Variants in ADRA1B observed in about 807,000 individuals in gnomAD.
ADRA1B encodes the protein alpha-1B adrenergic receptor.
ADRA1B carries 17 observed loss-of-function variants against 17.9 expected under a neutral mutation model. That is an observed-to-expected ratio of 0.95 (90% CI 0.65 to 1.42). The LOEUF (loss-of-function observed/expected upper bound fraction) is 1.42. Among genes scored for constraint, ADRA1B ranks in the 40% most tolerant of loss-of-function variants. ADRA1B has a pLI of 0.00. For missense variants in ADRA1B, 681 were observed against 722.1 expected (o/e 0.94, Z 0.65); for synonymous variants, 366 against 327.6 (o/e 1.12, Z -1.27).
chr5:159,900,786 T>C (rs1028153789), intron 1 of ADRA1B, among the ~76,000 whole-genome samples: 21 of 152,186 alleles, frequency 1.4e-4, no homozygotes, highest in Non-Finnish European at 4.4e-5. Flanking sequence ...AGACAGGCCA[T>C]GGAATGGACT....
intron 1 of ADRA1B, among the ~76,000 whole-genome samples, chr5:159,872,959 T>C (rs1753764702): frequency 7.2e-6 from 1 of 139,666 alleles, no homozygotes; most frequent in Non-Finnish European, 1.5e-5. Flanking sequence ...CAGTGTGTGA[T>C]GTTCCCCTCC....
At chr5:159,926,215 A>ACC (rs2113183301) in intron 1 of ADRA1B, among the ~76,000 whole-genome samples, 1 of 152,070 alleles carries the variant, frequency 6.6e-6, no homozygotes, top group South Asian at 2.1e-4. Context: ...TGTTTCTCAT[A>ACC]CCCTCTGAAT....
At chr5:159,881,296 A>G in intron 1 of ADRA1B, among the ~76,000 whole-genome samples, 2 of 85,258 alleles carry the variant, frequency 2.3e-5, no homozygotes, top group African/African-American at 8.8e-5. Context: ...CAATATCAGA[A>G]AGTTCTCTCT....
chr5:159,968,036 T>C (rs1755806336), intron 1 of ADRA1B, among the ~76,000 whole-genome samples: 1 of 152,242 alleles, frequency 6.6e-6, no homozygotes, highest in East Asian at 1.9e-4. Context: ...TTAGCTGCCA[T>C]GGTGCAACAC....
chr5:159,891,279 G>C (rs1753980812), intron 1 of ADRA1B, among the ~76,000 whole-genome samples: 1 of 152,168 alleles, frequency 6.6e-6, no homozygotes, highest in South Asian at 2.1e-4. Context: ...TAAACTCCAA[G>C]ATGACTTTTC....
Position 159,972,092 on chromosome 5 carries a change from A to G in ADRA1B, c.1163A>G (p.Tyr388Cys). Residue 388 changes from tyrosine (Y) to cysteine (C), a missense_variant, in exon 2 of 2, where the codon TAC (tyrosine) becomes TGC (cysteine). By Grantham distance (194) the Tyr-to-Cys change is radical. Transcript: ENST00000306675. Reference protein sequence around the residue: ...RRRLGGCAYTYRPWTRGGSLE... With the variant: ...RRRLGGCAYTCRPWTRGGSLE... ...CGCCTGGGCGGCTGCGCCTACACCT[A>G]CCGGCCGTGGACGCGCGGCGGCTCG... 3 of 1,290,886 alleles carry G rather than the reference A, an allele frequency of 2.3e-6. No individual in the cohort carries two copies. The highest frequency in any genetic ancestry group is 3.0e-6 in the Non-Finnish European group (3 of 1,015,140). 80.0% of individuals were successfully genotyped at this position (1,290,886 alleles called of 1,614,324 possible). A position where few individuals can be genotyped will look rare whatever the true frequency, so the allele number is the denominator to read the frequency against.
At chr5:159,954,480 G>A in intron 1 of ADRA1B, among the ~76,000 whole-genome samples, 1 of 152,168 alleles carries the variant, frequency 6.6e-6, no homozygotes, top group Non-Finnish European at 1.5e-5. Flanking sequence ...TCACCTGGCA[G>A]GATAGGACTT....
chr5:159,924,445 G>A (rs936358234), intron 1 of ADRA1B, among the ~76,000 whole-genome samples: 3 of 152,146 alleles, frequency 2.0e-5, no homozygotes, highest in Non-Finnish European at 4.4e-5. Flanking sequence ...AAATATTTGT[G>A]AGGAAAACGG....
intron 1 of ADRA1B, among the ~76,000 whole-genome samples, chr5:159,957,978 A>G (rs1755594449): frequency 6.6e-6 from 1 of 150,928 alleles, no homozygotes; most frequent in African/African-American, 2.4e-5. Context: ...AAGAAAAGAA[A>G]TATCATTCTT....
At chr5:159,926,515 G>C (rs891095869) in intron 1 of ADRA1B, among the ~76,000 whole-genome samples, 2 of 152,152 alleles carry the variant, frequency 1.3e-5, no homozygotes, top group Non-Finnish European at 2.9e-5. Flanking sequence ...GATTCATACA[G>C]CGTGTACCAG....
chr5:159,957,797 C>T (rs886403519), intron 1 of ADRA1B, among the ~76,000 whole-genome samples: 1 of 151,568 alleles, frequency 6.6e-6, no homozygotes, highest in African/African-American at 2.4e-5. Flanking sequence ...ATTAGCTGGG[C>T]ATGGTGGCAG....
intron 1 of ADRA1B, among the ~76,000 whole-genome samples, chr5:159,968,593 G>C (rs1315745189): frequency 6.6e-6 from 1 of 152,112 alleles, no homozygotes; most frequent in Non-Finnish European, 1.5e-5. Flanking sequence ...CAAAGTGCTG[G>C]GATTACAGGA....
intron 1 of ADRA1B, among the ~76,000 whole-genome samples, chr5:159,965,686 G>A (rs955733395): frequency 2.6e-5 from 4 of 152,126 alleles, no homozygotes; most frequent in Non-Finnish European, 4.4e-5. Context: ...GAAGGAGGGG[G>A]TCGAAAAATT....
intron 1 of ADRA1B, among the ~76,000 whole-genome samples, chr5:159,898,818 G>A (rs1459685910): frequency 2.0e-5 from 3 of 152,154 alleles, no homozygotes; most frequent in African/African-American, 7.2e-5. Context: ...TAAAGCAAAT[G>A]GATTTTATTT....
At chr5:159,924,207 C>A (rs935615083) in intron 1 of ADRA1B, among the ~76,000 whole-genome samples, 1 of 92,312 alleles carries the variant, frequency 1.1e-5, no homozygotes. Context: ...TAAAGACTGT[C>A]TTTTCTATTT....
At chr5:159,984,723 C>T in the ADRA1B span, among the ~76,000 whole-genome samples, 2 of 150,418 alleles carry the variant, frequency 1.3e-5, no homozygotes, top group African/African-American at 4.9e-5. Flanking sequence ...CATGGCGATA[C>T]CCCATCCCTA....
intron 1 of ADRA1B, among the ~76,000 whole-genome samples, chr5:159,873,595 A>G (rs570453033): frequency 5.9e-5 from 9 of 152,262 alleles, no homozygotes; most frequent in Non-Finnish European, 1.0e-4. Context: ...CCGATCCCTA[A>G]CAACAAACCC....
At chr5:159,871,868 G>A (rs1462114348) in intron 1 of ADRA1B, among the ~76,000 whole-genome samples, 1 of 152,142 alleles carries the variant, frequency 6.6e-6, no homozygotes, top group Non-Finnish European at 1.5e-5. Context: ...AGTTGTGATG[G>A]TGGCAACTTT....
intron 1 of ADRA1B, among the ~76,000 whole-genome samples, chr5:159,966,172 T>C (rs1337310416): frequency 2.0e-5 from 3 of 152,192 alleles, no homozygotes; most frequent in Non-Finnish European, 2.9e-5. Flanking sequence ...CCCAAAATGA[T>C]ACATGTAGTA....
Sources: allele counts gnomAD v4.1 joint callset (sites outside exome capture counted in the v4.1 genomes callset), GRCh38; gene constraint gnomAD v4.1.1; transcripts MANE v1.5; gene names NCBI Gene and HGNC (gene_info 2026-07-23, HGNC 2026-07-21).